ATP8B1: variants seen among roughly 807,000 people sequenced by gnomAD.
ATP8B1 encodes the protein ATPase phospholipid transporting 8B1.
In ATP8B1, 80 loss-of-function variants were observed where a neutral mutation model predicts 149.9. The ratio of observed to expected loss-of-function variants is 0.53; its 90% confidence interval spans 0.45 to 0.64. The LOEUF is 0.64. ATP8B1 is among the 30% of genes least tolerant of loss of function. The pLI is 0.00. For missense variants in ATP8B1, 1,247 were observed against 1,552.6 expected (o/e 0.80, Z 3.31); for synonymous variants, 536 against 562.8 (o/e 0.95, Z 0.67).
At chr18:57,742,802 T>G (rs1245882958) in intron 1 of ATP8B1, among the ~76,000 whole-genome samples, 2 of 148,508 alleles carry the variant, frequency 1.3e-5, no homozygotes, top group Non-Finnish European at 3.0e-5. Flanking sequence ...TCAGGCTAGG[T>G]GACAGAGCAA....
chr18:57,777,657 C>T (rs2080316948), intron 1 of ATP8B1, among the ~76,000 whole-genome samples: 1 of 152,004 alleles, frequency 6.6e-6, no homozygotes, highest in Non-Finnish European at 1.5e-5. Context: ...CAACCTCCGC[C>T]TCCCAGGCTG....
chr18:57,668,350 G>T, intron 19 of ATP8B1, 79 bp downstream of exon 19: 1 of 1,395,850 alleles, frequency 7.2e-7, no homozygotes. Context: ...AAAGTCTGAG[G>T]AGGTCATCTT....
intron 1 of ATP8B1, among the ~76,000 whole-genome samples, chr18:57,752,986 T>C (rs1257138610): frequency 4.6e-5 from 7 of 152,178 alleles, no homozygotes; most frequent in Admixed American, 3.9e-4. Flanking sequence ...TCCTGCATCC[T>C]TTCTCCTCAA....
At chr18:57,771,534 A>C (rs1013601263) in intron 1 of ATP8B1, among the ~76,000 whole-genome samples, 3 of 152,170 alleles carry the variant, frequency 2.0e-5, no homozygotes, top group African/African-American at 7.2e-5. Context: ...TCAGGCTGAC[A>C]AGTTACATTT....
intron 1 of ATP8B1, among the ~76,000 whole-genome samples, chr18:57,773,659 A>G (rs2080283369): frequency 6.6e-6 from 1 of 152,110 alleles, no homozygotes; most frequent in Non-Finnish European, 1.5e-5. Context: ...GAACCCCTCA[A>G]TTTCCCTCAT....
At chr18:57,661,640 TAC>T (rs1427236091) in intron 21 of ATP8B1, among the ~76,000 whole-genome samples, 178 bp from the exon 22 acceptor site, 2 of 126,546 alleles carry the variant, frequency 1.6e-5, no homozygotes, top group Non-Finnish European at 3.5e-5. Context: ...TGTATGTATA[TAC>T]ACACGCACAC....
intron 2 of ATP8B1, among the ~76,000 whole-genome samples, chr18:57,730,797 A>G (rs1295063314): frequency 2.3e-4 from 2 of 8,726 alleles, no homozygotes; most frequent in Non-Finnish European, 4.8e-4. Flanking sequence ...TGGGCAGACC[A>G]TATACATATA....
intron 1 of ATP8B1, among the ~76,000 whole-genome samples, chr18:57,779,897 C>CGAA (rs2080342802): frequency 9.3e-6 from 1 of 107,756 alleles, no homozygotes. Flanking sequence ...AACTCCGTCT[C>CGAA]AAAAAAAAAA....
intron 1 of ATP8B1, among the ~76,000 whole-genome samples, chr18:57,753,600 T>C (rs1252694842): frequency 1.3e-5 from 2 of 152,190 alleles, no homozygotes; most frequent in Non-Finnish European, 2.9e-5. Context: ...TTAAATAATC[T>C]TTTCATAGAC....
chr18:57,651,185 C>T (rs1433227225), intron 26 of ATP8B1, among the ~76,000 whole-genome samples: 1 of 152,174 alleles, frequency 6.6e-6, no homozygotes, highest in Admixed American at 6.5e-5. Context: ...TGGCTCACTG[C>T]AGCCTCAACC....
chr18:57,661,383 C>T lies in ATP8B1; in HGVS notation c.2498G>A (p.Arg833Gln), dbSNP rs568134011. Residue 833 changes from arginine to glutamine, a missense_variant, in exon 22 of 28, where the codon CGG becomes CAG. Arg to Gln is a conservative substitution (Grantham distance 43). Transcript: ENST00000648908. ...CCTCCTTTTACTTTGGGTCCGCATC[C>T]GTCTTTCTTCTTCTGTTCTTGGGAA... ...LKFPRTEEER[R>Q]MRTQSKRRLE... 1,017 of 1,613,862 alleles carry T rather than the reference C, an allele frequency of 6.3e-4. 17 individuals are homozygous for T. In the South Asian group the frequency reaches 0.01, roughly 16 times the overall value.
intron 3 of ATP8B1, 109 bp downstream of exon 3, chr18:57,706,381 C>T (rs1786474804): frequency 1.2e-6 from 1 of 823,344 alleles, no homozygotes; most frequent in Non-Finnish European, 2.1e-6. Flanking sequence ...TCAGTAGCCC[C>T]AGGCAGGTGG....
intron 1 of ATP8B1, among the ~76,000 whole-genome samples, chr18:57,798,057 C>T (rs900477167): frequency 1.3e-5 from 2 of 152,010 alleles, no homozygotes; most frequent in Non-Finnish European, 2.9e-5. Context: ...TCTGTGAACC[C>T]CACAGACTTC....
intron 26 of ATP8B1, 25 bp from the exon 27 acceptor site, chr18:57,650,522 C>T (rs1160776481): frequency 6.2e-7 from 1 of 1,609,480 alleles, no homozygotes; most frequent in Non-Finnish European, 8.5e-7. Flanking sequence ...GCAAATGCAT[C>T]ACTGTGGTTC....
At chr18:57,673,506 CTCT>C (rs1187044276) in intron 16 of ATP8B1, among the ~76,000 whole-genome samples, 1 of 151,438 alleles carries the variant, frequency 6.6e-6, no homozygotes, top group Non-Finnish European at 1.5e-5. Flanking sequence ...GCAATTTATT[CTCT>C]TTTTTATATT....
intron 1 of ATP8B1, among the ~76,000 whole-genome samples, chr18:57,752,077 C>T (rs568377171): frequency 3.1e-4 from 47 of 151,816 alleles, no homozygotes; most frequent in African/African-American, 8.9e-4. Flanking sequence ...AATTATGGTG[C>T]GTGCCTGTGG....
chr18:57,660,708 G>A (rs942298259), intron 22 of ATP8B1, among the ~76,000 whole-genome samples: 22 of 152,004 alleles, frequency 1.4e-4, no homozygotes, highest in African/African-American at 4.8e-4. Flanking sequence ...TAATAGAGAC[G>A]GGGTTTCAGC....
Position 57,648,711 on chromosome 18 carries a change from A to G in ATP8B1, c.3533T>C (p.Ile1178Thr), listed in dbSNP as rs367826540. 4.3e-5 allele frequency: 66 copies of G among 1,552,158 alleles called. No individual in the cohort carries two copies. Among genetic ancestry groups the G allele is most frequent in the Non-Finnish European group, 5.4e-5 (62 of 1,148,318 alleles). The stretch of plus-strand genomic sequence containing the variant: ...CTTCAACCGCTTGCGATGCTTCTGG[A>G]TCTGCAAGGGGGAGAGATGGGGAGG... ...MTIWPSESDKIQKHRKRLKAE... is the reference protein window; with the variant it reads ...MTIWPSESDKTQKHRKRLKAE... Residue 1178 changes from isoleucine (I) to threonine (T), a missense_variant and splice_region_variant, in exon 28 of 28, where the codon ATC becomes ACC. Ile to Thr is a moderately conservative substitution (Grantham distance 89). Around this residue, in one of 3 missense-constraint regions of ATP8B1, gnomAD observed 164 missense variants for 160.3 expected, o/e 1.02. Transcript: ENST00000648908.
intron 26 of ATP8B1, 111 bp from the exon 27 acceptor site, chr18:57,650,608 C>A (rs1909547728): frequency 8.3e-6 from 11 of 1,331,914 alleles, no homozygotes; most frequent in Non-Finnish European, 1.1e-5. Context: ...TTTGAGAGGC[C>A]AAGGTGGGTG....
Sources: allele counts gnomAD v4.1 joint callset (sites outside exome capture counted in the v4.1 genomes callset), GRCh38; gene constraint gnomAD v4.1.1; regional missense constraint gnomAD v4.1.1; transcripts MANE v1.5; gene names NCBI Gene and HGNC (gene_info 2026-07-23, HGNC 2026-07-21).